MYO6: variants seen among roughly 807,000 people sequenced by gnomAD.
MYO6 encodes the protein myosin VI.
In MYO6, 74 loss-of-function variants were observed where a neutral mutation model predicts 178.7. The observed-to-expected ratio is 0.41, with a 90% CI of 0.34 to 0.50. The LOEUF is 0.50. Among genes scored for constraint, MYO6 ranks in the 20% least tolerant of loss-of-function variants. The probability of loss-of-function intolerance (pLI) is 0.09; values close to 1 mark genes in which losing one functional copy is unlikely to be tolerated. For missense variants in MYO6, 1,330 were observed against 1,547.4 expected (o/e 0.86, Z 2.36); for synonymous variants, 477 against 504.6 (o/e 0.95, Z 0.73).
At chr6:75,776,653 AGTGTGT>A (rs35830759) in intron 1 of MYO6, among the ~76,000 whole-genome samples, 4 of 144,658 alleles carry the variant, frequency 2.8e-5, no homozygotes, top group Non-Finnish European at 3.0e-5. Flanking sequence ...AGAAACGTGC[AGTGTGT>A]GTGTGTGTGT....
In MYO6 at chr6:75,907,369, A is replaced by G. The variant is rs79951514; in HGVS notation, c.3177-236A>G. 0.021 allele frequency among the ~76,000 whole-genome samples: 3,197 copies of G among 152,324 alleles called. 109 individuals carry two copies. Among genetic ancestry groups the G allele is most frequent in the African/African-American group, 0.072 (3,006 of 41,564 alleles). On this transcript the variant is annotated intron_variant, in intron 30 of 34. Coordinates refer to ENST00000369977, the MANE Select transcript of MYO6 (RefSeq NM_004999.4). Reference sequence around the variant, plus strand: ...AAGTTTGTGGAACTAGAATATTAGAATCAAAAGTTTGGATTTAAAATCTAA... The same window carrying G: ...AAGTTTGTGGAACTAGAATATTAGAGTCAAAAGTTTGGATTTAAAATCTAA...
At chr6:75,860,053 T>C (rs866323449) in intron 14 of MYO6, among the ~76,000 whole-genome samples, 1 of 152,238 alleles carries the variant, frequency 6.6e-6, no homozygotes, top group Admixed American at 6.5e-5. Flanking sequence ...GTCAGGAGAT[T>C]TGATGCATCC....
At chr6:75,765,784 T>C (rs553943483) in intron 1 of MYO6, among the ~76,000 whole-genome samples, 6 of 152,006 alleles carry the variant, frequency 3.9e-5, no homozygotes, top group African/African-American at 7.3e-5. Flanking sequence ...TGCAACACTT[T>C]GGGAGGTTGA....
At chr6:75,766,487 T>G (rs1284441344) in intron 1 of MYO6, among the ~76,000 whole-genome samples, 2 of 152,132 alleles carry the variant, frequency 1.3e-5, no homozygotes, top group Non-Finnish European at 2.9e-5. Flanking sequence ...GTAATTACAT[T>G]AATATATTGT....
intron 30 of MYO6, among the ~76,000 whole-genome samples, chr6:75,899,742 A>G (rs2149391238): frequency 6.6e-6 from 1 of 151,642 alleles, no homozygotes; most frequent in Admixed American, 6.6e-5. Context: ...TTTTAAAAAA[A>G]TTATTATTAT....
intron 1 of MYO6, among the ~76,000 whole-genome samples, chr6:75,787,131 C>T (rs939377494): frequency 6.6e-6 from 1 of 152,188 alleles, no homozygotes; most frequent in Non-Finnish European, 1.5e-5. Context: ...CATAGCACTA[C>T]ACACCCACTA....
In MYO6 at chr6:75,841,455, G is replaced by A. The variant is rs1383196930; in HGVS notation, c.816+77G>A. The A allele has an allele frequency of 3.6e-6, 5 of 1,384,398 alleles. No homozygotes were observed. In the Admixed American group the frequency reaches 5.3e-5, roughly 15 times the overall value. The allele number at this position is 1,384,398 out of a possible 1,614,324, so 85.8% of individuals were successfully genotyped here. ...TGTAATCCCAACACTTTGGGAGGCT[G>A]AGGCGGATGGATTGCTTGAGCCTGG... On this transcript the variant is annotated intron_variant, in intron 9 of 34. Transcript: ENST00000369977.
intron 1 of MYO6, among the ~76,000 whole-genome samples, chr6:75,809,029 G>A (rs1238953011): frequency 6.6e-6 from 1 of 152,224 alleles, no homozygotes; most frequent in Non-Finnish European, 1.5e-5. Flanking sequence ...CAATATGGCA[G>A]AAGAAGCAAT....
At chr6:75,843,875 C>G (rs1040751576) in intron 9 of MYO6, among the ~76,000 whole-genome samples, 1 of 151,944 alleles carries the variant, frequency 6.6e-6, no homozygotes, top group South Asian at 2.1e-4. Flanking sequence ...AATTTATCCC[C>G]AAATCATTCA....
chr6:75,855,719 G>A (rs1214102490), intron 12 of MYO6, among the ~76,000 whole-genome samples: 1 of 152,094 alleles, frequency 6.6e-6, no homozygotes, highest in African/African-American at 2.4e-5. Flanking sequence ...CGAGAAATAA[G>A]GGCTTAACCA....
At chr6:75,784,130 C>G (rs1767271692) in intron 1 of MYO6, among the ~76,000 whole-genome samples, 1 of 151,974 alleles carries the variant, frequency 6.6e-6, no homozygotes, top group African/African-American at 2.4e-5. Flanking sequence ...TGCCACCATG[C>G]CCGGCTAATT....
chr6:75,784,241 G>A (rs1176714619), intron 1 of MYO6, among the ~76,000 whole-genome samples: 2 of 151,944 alleles, frequency 1.3e-5, no homozygotes, highest in Non-Finnish European at 2.9e-5. Context: ...AAAGTGCTGG[G>A]ATTACAGGTG....
intron 1 of MYO6, among the ~76,000 whole-genome samples, chr6:75,789,965 G>A (rs1056919552): frequency 3.3e-5 from 5 of 151,954 alleles, no homozygotes; most frequent in South Asian, 2.1e-4. Flanking sequence ...TTTAGATTCC[G>A]TGTATGAGTG....
intron 30 of MYO6, among the ~76,000 whole-genome samples, chr6:75,905,368 G>T (rs1406034071): frequency 6.6e-6 from 1 of 152,110 alleles, no homozygotes; most frequent in Non-Finnish European, 1.5e-5. Context: ...GCTAGCAAGA[G>T]ACTCCGTGGG....
chr6:75,833,074 C>A, intron 6 of MYO6, 127 bp downstream of exon 6: 1 of 701,824 alleles, frequency 1.4e-6, no homozygotes, highest in Non-Finnish European at 2.6e-6. Context: ...GTAGCCTTGA[C>A]CTCCTGGGCT....
intron 27 of MYO6, 74 bp from the exon 28 acceptor site, chr6:75,892,451 CTTTAT>C: frequency 6.3e-7 from 1 of 1,592,444 alleles, no homozygotes; most frequent in Admixed American, 1.7e-5. Context: ...TATGCTTTCC[CTTTAT>C]TTTAAGTAAT....
intron 30 of MYO6, among the ~76,000 whole-genome samples, chr6:75,904,603 A>G (rs1177597494): frequency 1.3e-5 from 2 of 152,036 alleles, no homozygotes; most frequent in East Asian, 3.9e-4. Flanking sequence ...ACTTCTCTGT[A>G]TTGGTTATTC....
At chr6:75,827,538 C>CT (rs1303265437) in intron 3 of MYO6, among the ~76,000 whole-genome samples, 1 of 152,114 alleles carries the variant, frequency 6.6e-6, no homozygotes, top group Non-Finnish European at 1.5e-5. Flanking sequence ...GAGGGCTCTA[C>CT]TTTAGTTAAT....
In MYO6 at chr6:75,866,542, A is replaced by G. The variant is rs760501360; in HGVS notation, c.1691A>G (p.Lys564Arg). 9.3e-6 allele frequency: 15 copies of G among 1,613,774 alleles called. No individual in the cohort carries two copies. The highest frequency in any genetic ancestry group is 1.3e-5 in the Non-Finnish European group (15 of 1,179,668). ...GTTTTTCAGATTCCCAGAAAATCTAAGCTGGCAGTTCATAGGAATATCAGA... is the reference window on the plus strand; with the variant it reads ...GTTTTTCAGATTCCCAGAAAATCTAGGCTGGCAGTTCATAGGAATATCAGA... Reference protein sequence around the residue: ...HFRLTIPRKSKLAVHRNIRDD... With the variant: ...HFRLTIPRKSRLAVHRNIRDD... Residue 564 changes from lysine to arginine, a missense_variant, in exon 17 of 35, where the codon AAG (lysine) becomes AGG (arginine). Coordinates refer to ENST00000369977, the MANE Select transcript of MYO6 (RefSeq NM_004999.4).
Sources: allele counts gnomAD v4.1 joint callset (sites outside exome capture counted in the v4.1 genomes callset), GRCh38; gene constraint gnomAD v4.1.1; transcripts MANE v1.5; gene names NCBI Gene and HGNC (gene_info 2026-07-23, HGNC 2026-07-21).